The following CLPP variants were observed in gnomAD, a reference collection of about 807,000 sequenced individuals.
CLPP encodes ATP-dependent Clp protease proteolytic subunit, mitochondrial.
A neutral mutation model predicts 27.4 loss-of-function variants in CLPP; 14 were observed. The observed-to-expected ratio is 0.51, with a 90% CI of 0.34 to 0.80. The LOEUF (loss-of-function observed/expected upper bound fraction) is 0.80. Ranked by LOEUF, CLPP falls within the 30% of genes least tolerant of loss-of-function variation. CLPP has a pLI of 0.02. For synonymous variants in CLPP, 193 were observed against 166.6 expected, an observed-to-expected ratio of 1.16 and a Z score of -1.22; for missense variants, 361 against 403.6, an observed-to-expected ratio of 0.89 and a Z score of 0.90.
chr19:6,362,574 A>G, intron 3 of CLPP, 32 bp downstream of exon 3: 1 of 1,467,152 alleles, frequency 6.8e-7, no homozygotes, highest in Non-Finnish European at 9.6e-7. Flanking sequence ...TGCCAGGGGC[A>G]CTCGTCAGGG....
chr19:6,365,361 C>T (rs1266496526), intron 4 of CLPP, among the ~76,000 whole-genome samples: 1 of 152,058 alleles, frequency 6.6e-6, no homozygotes, highest in African/African-American at 2.4e-5. Context: ...TGCCCATAAT[C>T]CCAGCTGTTT....
chr19:6,362,620 AG>A, intron 3 of CLPP, 78 bp downstream of exon 3: 1 of 994,564 alleles, frequency 1.0e-6, no homozygotes, highest in Non-Finnish European at 1.6e-6. Context: ...ATCCCGGGTC[AG>A]GGATGTTCTC....
In CLPP at chr19:6,369,150, C is replaced by A. The variant is rs560381613; in HGVS notation, c.*440C>A. ...TAAAAAAAACAAAACAGGCCAGGCG[C>A]GCTGGCTCACGCCTGTAATCCCAGC... On this transcript the variant is annotated 3_prime_UTR_variant, in exon 6 of 6. Transcript: ENST00000245816. Among the ~76,000 whole-genome samples the A allele has an allele frequency of 2.0e-5, 3 of 152,162 alleles. No homozygotes were observed. The highest frequency in any genetic ancestry group is 7.2e-5 in the African/African-American group (3 of 41,420).
At position 6,361,629 on chromosome 19, in the gene CLPP, G is replaced by C; in HGVS notation, c.55G>C (p.Ala19Pro). ...GARVASCRYP[A>P]LGPRLAAHFP... ...CCGGGTGGCGTCATGCAGGTACCCC[G>C]CGCTGGGGCCTCGCCTCGCCGCTCA... Residue 19 changes from alanine to proline, a missense_variant, in exon 1 of 6, where the codon GCG becomes CCG. Ala to Pro is a conservative substitution (Grantham distance 27). This residue lies in a region of CLPP where 148 missense variants were observed against 122.6 expected (regional missense o/e 1.21). Transcript: ENST00000245816. 1 of 1,426,622 alleles carries C rather than the reference G, an allele frequency of 7.0e-7. No homozygotes were observed. Among genetic ancestry groups the C allele is most frequent in the Non-Finnish European group, 9.2e-7 (1 of 1,089,844 alleles). The allele number at this position is 1,426,622 out of a possible 1,614,324, so 88.4% of individuals were successfully genotyped here.
At chr19:6,365,372 T>C (rs1314342201) in intron 4 of CLPP, among the ~76,000 whole-genome samples, 3 of 151,928 alleles carry the variant, frequency 2.0e-5, no homozygotes, top group Non-Finnish European at 4.4e-5. Context: ...CCAGCTGTTT[T>C]GGGAGGCTGA....
intron 4 of CLPP, 192 bp downstream of exon 4, chr19:6,364,831 C>G (rs2091854377): frequency 1.8e-6 from 1 of 558,044 alleles, no homozygotes; most frequent in East Asian, 3.3e-5. Context: ...TGGGTTCACG[C>G]CATTCTTCTG....
In CLPP at chr19:6,362,517, C is replaced by T. The variant is rs775854822; in HGVS notation, c.342C>T (p.Pro114=). ...LFLQSESNKK[P]IHMYINSPGG... The stretch of plus-strand genomic sequence containing the variant: ...TGCAATCCGAGAGCAACAAGAAGCC[C>T]ATCCACATGTACATCAACAGCCCTG... The change falls in exon 3 of 6, where the codon CCC becomes CCT. Residue 114 remains proline (P), a synonymous_variant. Transcript: ENST00000245816. 1.9e-6 allele frequency: 3 copies of T among 1,613,848 alleles called. No homozygotes were observed. Among genetic ancestry groups the T allele is most frequent in the Admixed American group, 1.7e-5 (1 of 60,014 alleles).
rs2091881376 is a variant in CLPP at position 6,370,227 on chromosome 19, C to T, written c.*1517C>T. Among the ~76,000 whole-genome samples the T allele has an allele frequency of 6.6e-6, 1 of 152,204 alleles. No homozygotes were observed. On this transcript the variant is annotated 3_prime_UTR_variant, in exon 6 of 6. Coordinates refer to ENST00000245816, the MANE Select transcript of CLPP (RefSeq NM_006012.4). ...CAGGGTCAAGAGGTTGAAATAAAAA[C>T]GTAGGTGTCATCGGCCGGGCGCGGT... is the stretch of plus-strand genomic sequence containing the variant.
In CLPP at chr19:6,368,587, G is replaced by A. The variant is rs1488385462; in HGVS notation, c.711G>A (p.Glu237=). ...DRYMSPMEAQ[E]FGILDKVLVH... ...ACATGAGCCCCATGGAGGCCCAGGA[G>A]TTTGGCATCTTAGACAAGGTTCTGG... The change falls in exon 6 of 6, where the codon GAG becomes GAA. Residue 237 remains glutamate, a synonymous_variant. Transcript: ENST00000245816. 1 of 1,614,054 alleles carries A rather than the reference G, an allele frequency of 6.2e-7. No homozygotes were observed. Among genetic ancestry groups the A allele is most frequent in the Admixed American group, 1.7e-5 (1 of 60,004 alleles).
chr19:6,364,467 C>T lies in CLPP; in HGVS notation c.383C>T (p.Ala128Val), dbSNP rs934543681. ...CCGCCCACAGGTGGTGTGGTGACCG[C>T]GGGCCTGGCCATCTACGACACGATG... Reference protein sequence around the residue: ...YINSPGGVVTAGLAIYDTMQY... With the variant: ...YINSPGGVVTVGLAIYDTMQY... The change falls in exon 4 of 6, where the codon GCG becomes GTG. Residue 128 changes from alanine to valine, a missense_variant. Physicochemically the swap from Ala to Val is moderately conservative, Grantham distance 64. Coordinates refer to ENST00000245816, the MANE Select transcript of CLPP (RefSeq NM_006012.4). The T allele has an allele frequency of 6.2e-7, 1 of 1,608,596 alleles. No homozygotes were observed. Among genetic ancestry groups the T allele is most frequent in the South Asian group, 1.1e-5 (1 of 90,430 alleles).
In CLPP at chr19:6,366,450, C is replaced by T. The variant is rs184463888; in HGVS notation, c.661+87C>T. Reference sequence around the variant, plus strand: ...CCAGGGCTTCTCCACCTGGCCCCTGCGGACTTTCAGGGCTGGATCGTTCTC... The same window carrying T: ...CCAGGGCTTCTCCACCTGGCCCCTGTGGACTTTCAGGGCTGGATCGTTCTC... On this transcript the variant is annotated intron_variant, in intron 5 of 5. Transcript: ENST00000245816. The T allele has an allele frequency of 5.9e-6, 6 of 1,021,084 alleles. No homozygotes were observed. The Admixed American group carries it at 6.8e-5, about 12-fold the overall frequency. The allele number at this position is 1,021,084 out of a possible 1,614,324, so 63.3% of individuals were successfully genotyped here. A position where few individuals can be genotyped will look rare whatever the true frequency, so the allele number is the denominator to read the frequency against.
In CLPP at chr19:6,364,539, C is replaced by A; in HGVS notation, c.455C>A (p.Ala152Asp). ...PICTWCVGQA[A>D]SMGSLLLAAG... ...TGCACCTGGTGCGTGGGCCAGGCCGCCAGCATGGGCTCCCTGCTTCTCGCC... is the reference window on the plus strand; with the variant it reads ...TGCACCTGGTGCGTGGGCCAGGCCGACAGCATGGGCTCCCTGCTTCTCGCC... The change falls in exon 4 of 6, where the codon GCC (alanine) becomes GAC (aspartate). Residue 152 changes from alanine to aspartate, a missense_variant. Physicochemically the swap from Ala to Asp is moderately radical, Grantham distance 126. This residue lies in a region of CLPP where 213 missense variants were observed against 280.9 expected (regional missense o/e 0.76). Coordinates refer to ENST00000245816, the MANE Select transcript of CLPP (RefSeq NM_006012.4). 1 of 1,613,010 alleles carries A rather than the reference C, an allele frequency of 6.2e-7. No homozygotes were observed. Among genetic ancestry groups the A allele is most frequent in the Non-Finnish European group, 8.5e-7 (1 of 1,179,850 alleles).
At position 6,361,723 on chromosome 19, in the gene CLPP, C is replaced by G. The variant is rs1321236764; in HGVS notation, c.149C>G (p.Ala50Gly). The G allele has an allele frequency of 6.6e-7, 1 of 1,505,962 alleles. No individual in the cohort carries two copies. Among genetic ancestry groups the G allele is most frequent in the African/African-American group, 1.4e-5 (1 of 72,272 alleles). 93.3% of individuals were successfully genotyped at this position (1,505,962 alleles called of 1,614,324 possible). ...NGLALQRCLH[A>G]TATRALPLIP... Reference sequence around the variant, plus strand: ...CTGGCCCTGCAGCGGTGCCTGCACGCGACGGCGACCCGGGCTCTCCCGCTC... The same window carrying G: ...CTGGCCCTGCAGCGGTGCCTGCACGGGACGGCGACCCGGGCTCTCCCGCTC... The change falls in exon 1 of 6, where the codon GCG becomes GGG. Residue 50 changes from alanine to glycine, a missense_variant. Coordinates refer to ENST00000245816, the MANE Select transcript of CLPP (RefSeq NM_006012.4).
rs755348992 is a variant in CLPP, at chr19:6,361,785, G to A, written c.198+13G>A. ...GGTGGAGCAGACGGTACGGCGGCCGGGCGGGGACACGGTTCGGGGGCTCCG... is the reference window on the plus strand; with the variant it reads ...GGTGGAGCAGACGGTACGGCGGCCGAGCGGGGACACGGTTCGGGGGCTCCG... On this transcript the variant is annotated intron_variant, in intron 1 of 5. Transcript: ENST00000245816. The A allele has an allele frequency of 1.0e-5, 16 of 1,560,176 alleles. No individual in the cohort carries two copies. In the South Asian group the frequency reaches 1.9e-4, roughly 18 times the overall value.
chr19:6,362,157 G>A, intron 2 of CLPP: 1 of 595,526 alleles, frequency 1.7e-6, no homozygotes, highest in Admixed American at 3.1e-5. Flanking sequence ...CTTCCTTCCT[G>A]ACACCTGGCA....
At chr19:6,365,347 T>C (rs1343713711) in intron 4 of CLPP, among the ~76,000 whole-genome samples, 2 of 151,930 alleles carry the variant, frequency 1.3e-5, no homozygotes, top group African/African-American at 4.8e-5. Flanking sequence ...GGCATGGTGG[T>C]GCGTGCCCAT....
At chr19:6,365,025 G>C (rs2091855328) in intron 4 of CLPP, 2 of 181,442 alleles carry the variant, frequency 1.1e-5, no homozygotes, top group African/African-American at 4.8e-5. Context: ...CGCTGGGCCA[G>C]CCGGGAGTGG....
Position 6,368,779 on chromosome 19 carries a change from C to T in CLPP, c.*69C>T. The T allele has an allele frequency of 6.9e-7, 1 of 1,442,482 alleles. No homozygotes were observed. Among genetic ancestry groups the T allele is most frequent in the Non-Finnish European group, 9.3e-7 (1 of 1,071,638 alleles). 89.4% of individuals were successfully genotyped at this position (1,442,482 alleles called of 1,614,324 possible). A position where few individuals can be genotyped will look rare whatever the true frequency, so the allele number is the denominator to read the frequency against. ...CTGCCAGACCCCCAGCTGGGCCCTG[C>T]TCACCCCTTGTTGCTGGGCTTGGAG... On this transcript the variant is annotated 3_prime_UTR_variant, in exon 6 of 6. Transcript: ENST00000245816.
At chr19:6,363,356 C>G (rs2091845932) in intron 3 of CLPP, among the ~76,000 whole-genome samples, 1 of 151,954 alleles carries the variant, frequency 6.6e-6, no homozygotes, top group Non-Finnish European at 1.5e-5. Flanking sequence ...CTCCTGACCT[C>G]AAGTGATCCA....
Sources: allele counts gnomAD v4.1 joint callset (sites outside exome capture counted in the v4.1 genomes callset), GRCh38; gene constraint gnomAD v4.1.1; regional missense constraint gnomAD v4.1.1; transcripts MANE v1.5; gene names NCBI Gene and HGNC (gene_info 2026-07-23, HGNC 2026-07-21).